PTTG1: variants seen among roughly 807,000 people sequenced by gnomAD.
PTTG1 encodes securin.
PTTG1 carries 8 observed loss-of-function variants against 20.0 expected under a neutral mutation model. The observed-to-expected ratio is 0.40, with a 90% CI of 0.23 to 0.72. PTTG1 has a LOEUF of 0.72. Among genes scored for constraint, PTTG1 ranks in the 30% least tolerant of loss-of-function variants. The pLI is 0.38. For synonymous variants in PTTG1, 79 were observed against 87.2 expected (o/e 0.91, Z 0.52); for missense variants, 197 against 236.0 (o/e 0.83, Z 1.08).
At chr5:160,424,876 T>A (rs1765778814) in intron 4 of PTTG1, 1 of 152,302 alleles carries the variant, frequency 6.6e-6, no homozygotes, top group African/African-American at 2.4e-5. Flanking sequence ...CTGGACACAC[T>A]GTTTAACAAG....
At chr5:160,428,534 G>T in intron 5 of PTTG1, 68 bp from the exon 6 acceptor site, 1 of 1,349,032 alleles carries the variant, frequency 7.4e-7, no homozygotes, top group Non-Finnish European at 1.1e-6. Context: ...GACAGCTAAT[G>T]TCTATGTTGA....
chr5:160,427,084 C>A (rs1033399862), intron 4 of PTTG1, among the ~76,000 whole-genome samples: 1 of 152,066 alleles, frequency 6.6e-6, no homozygotes, highest in Non-Finnish European at 1.5e-5. Context: ...AAAATTTTAA[C>A]GTTTTATATT....
intron 4 of PTTG1, among the ~76,000 whole-genome samples, chr5:160,427,170 C>T (rs540754888): frequency 6.6e-6 from 1 of 152,312 alleles, no homozygotes; most frequent in Admixed American, 6.5e-5. Flanking sequence ...AAAAGTGTGA[C>T]AAGCACCCAG....
intron 3 of PTTG1, 81 bp downstream of exon 3, chr5:160,422,974 A>T: frequency 6.9e-7 from 1 of 1,447,622 alleles, no homozygotes; most frequent in Admixed American, 1.8e-5. Flanking sequence ...CATCCTACGT[A>T]GCTTTCTTCC....
chr5:160,427,574 A>T, intron 4 of PTTG1, 141 bp from the exon 5 acceptor site: 1 of 953,672 alleles, frequency 1.0e-6, no homozygotes, highest in Non-Finnish European at 1.5e-6. Context: ...ACAAATGTCA[A>T]CCCAGTGGAA....
intron 5 of PTTG1, 109 bp downstream of exon 5, chr5:160,427,982 C>G: frequency 7.5e-7 from 1 of 1,336,418 alleles, no homozygotes. Flanking sequence ...TAATTTCTGT[C>G]CTTCAAATGA....
intron 3 of PTTG1, among the ~76,000 whole-genome samples, chr5:160,423,835 T>C (rs1406130796): frequency 6.6e-6 from 1 of 152,226 alleles, no homozygotes; most frequent in Admixed American, 6.5e-5. Flanking sequence ...AACACAAACT[T>C]GTTTTTAATA....
chr5:160,422,273 A>G, intron 1 of PTTG1, 29 bp from the exon 2 acceptor site: 1 of 1,535,636 alleles, frequency 6.5e-7, no homozygotes, highest in Non-Finnish European at 9.0e-7. Flanking sequence ...CACCTTCCCC[A>G]ATATCTAATA....
intron 4 of PTTG1, 143 bp downstream of exon 4, chr5:160,424,473 C>G (rs1641813518): frequency 6.5e-6 from 4 of 611,558 alleles, no homozygotes; most frequent in African/African-American, 1.9e-5. Context: ...GACAAGTGTA[C>G]TTGTTGATGG....
chr5:160,422,785 ACC>A lies in PTTG1; in HGVS notation c.169_170del (p.Pro57Ter). 6.2e-7 allele frequency: 1 copy of A among 1,614,150 alleles called. No homozygotes were observed. Among genetic ancestry groups the A allele is most frequent in the South Asian group, 1.1e-5 (1 of 91,082 alleles). Reference sequence around the variant, plus strand: ...AAACGTTCGATGCCCCACCAGCCTTACCTAAAGCTACTAGAAAGGCTTTGGGA... The same window carrying A: ...AAACGTTCGATGCCCCACCAGCCTTATAAAGCTACTAGAAAGGCTTTGGGA... ...GKTFDAPPAL[P>X]KATRKALGTV... On this transcript the variant is annotated frameshift_variant, in exon 3 of 6. Transcript: ENST00000352433. LOFTEE classifies it high-confidence loss of function.
At chr5:160,428,581 T>C (rs1765853495) in intron 5 of PTTG1, 21 bp from the exon 6 acceptor site, 1 of 1,607,250 alleles carries the variant, frequency 6.2e-7, no homozygotes, top group South Asian at 1.1e-5. Flanking sequence ...GAAATTTTAA[T>C]AAGAGATTCC....
chr5:160,427,931 C>T (rs1765841476), intron 5 of PTTG1, 58 bp downstream of exon 5: 1 of 1,602,046 alleles, frequency 6.2e-7, no homozygotes, highest in Non-Finnish European at 8.5e-7. Flanking sequence ...ATAACACTTC[C>T]ATTACCATGG....
rs1266679637 is a variant in PTTG1, at chr5:160,428,624, C to A, written c.552C>A (p.Ser184Arg). Reference protein sequence around the residue: ...WESNLLQSPSSILSTLDVELP... With the variant: ...WESNLLQSPSRILSTLDVELP... The stretch of plus-strand genomic sequence containing the variant: ...TAGATCTGTTGCAGTCTCCTTCAAG[C>A]ATTCTGTCGACCCTGGATGTTGAAT... Residue 184 changes from serine (S) to arginine (R), a missense_variant, in exon 6 of 6, where the codon AGC becomes AGA. Ser to Arg is a moderately radical substitution (Grantham distance 110). Coordinates refer to ENST00000352433, the MANE Select transcript of PTTG1 (RefSeq NM_004219.4). The A allele has an allele frequency of 2.5e-6, 4 of 1,613,922 alleles. No individual in the cohort carries two copies. The highest frequency in any genetic ancestry group is 3.4e-6 in the Non-Finnish European group (4 of 1,179,926).
rs952010628 is a variant in PTTG1 at position 160,422,256 on chromosome 5, C to G, written c.-11-46C>G. On this transcript the variant is annotated intron_variant, in intron 1 of 5. Coordinates refer to ENST00000352433, the MANE Select transcript of PTTG1 (RefSeq NM_004219.4). ...AGTTTGGTATGTTGCTATACCTTTG[C>G]TTCTCCCACCTTCCCCAATATCTAA... 5 of 1,433,298 alleles carry G rather than the reference C, an allele frequency of 3.5e-6. No homozygotes were observed. In the African/African-American group the frequency reaches 7.0e-5, roughly 20 times the overall value. 88.8% of individuals were successfully genotyped at this position (1,433,298 alleles called of 1,614,324 possible).
chr5:160,425,304 T>C (rs7728981), intron 4 of PTTG1, among the ~76,000 whole-genome samples: 4,014 of 152,298 alleles, frequency 0.026, 176 homozygotes, highest in East Asian at 0.18. Flanking sequence ...AGGGCTTGTG[T>C]GATTAAGTTT....
At chr5:160,423,654 A>C (rs1388264968) in intron 3 of PTTG1, among the ~76,000 whole-genome samples, 1 of 152,228 alleles carries the variant, frequency 6.6e-6, no homozygotes, top group South Asian at 2.1e-4. Flanking sequence ...AATTCTAGGC[A>C]TGCATATGTG....
intron 4 of PTTG1, among the ~76,000 whole-genome samples, chr5:160,426,009 G>A (rs929953844): frequency 6.6e-6 from 1 of 152,076 alleles, no homozygotes; most frequent in Admixed American, 6.6e-5. Flanking sequence ...TTGCTAAGAA[G>A]TAAGGTACTT....
At chr5:160,425,440 A>G (rs910881291) in intron 4 of PTTG1, among the ~76,000 whole-genome samples, 12 of 152,226 alleles carry the variant, frequency 7.9e-5, no homozygotes, top group African/African-American at 2.9e-4. Flanking sequence ...GGAAAGAGAT[A>G]TTGCTAAGTG....
At position 160,427,722 on chromosome 5, in the gene PTTG1, G is replaced by C. The variant is rs765779103; in HGVS notation, c.378G>C (p.Glu126Asp). 2 of 1,613,942 alleles carry C rather than the reference G, an allele frequency of 1.2e-6. No individual in the cohort carries two copies. Among genetic ancestry groups the C allele is most frequent in the South Asian group, 2.2e-5 (2 of 91,060 alleles). The change falls in exon 5 of 6, where the codon GAG (glutamate) becomes GAC (aspartate). Residue 126 changes from glutamate to aspartate, a missense_variant. Coordinates refer to ENST00000352433, the MANE Select transcript of PTTG1 (RefSeq NM_004219.4). ...GCTTTCTCTCTGTAACAGACTTTGA[G>C]AGTTTTGACCTGCCTGAAGAGCACC... The part of the protein sequence containing the change: ...KFFPFNPLDF[E>D]SFDLPEEHQI...
Sources: allele counts gnomAD v4.1 joint callset (sites outside exome capture counted in the v4.1 genomes callset), GRCh38; gene constraint gnomAD v4.1.1; transcripts MANE v1.5; gene names NCBI Gene and HGNC (gene_info 2026-07-23, HGNC 2026-07-21).